The following VWA8 variants were observed in gnomAD, a reference collection of about 807,000 sequenced individuals.
VWA8 encodes the protein von Willebrand factor A domain-containing protein 8.
VWA8 carries 221 observed loss-of-function variants against 241.5 expected under a neutral mutation model. The observed-to-expected ratio is 0.91, with a 90% confidence interval of 0.82 to 1.02. The LOEUF is 1.02. Ranked by LOEUF, VWA8 falls within the 50% of genes least tolerant of loss-of-function variation. The pLI is 0.00. For synonymous variants in VWA8, 852 were observed against 827.1 expected, an observed-to-expected ratio of 1.03 and a Z score of -0.52; for missense variants, 2,322 against 2,328.7, an observed-to-expected ratio of 1.00 and a Z score of 0.06.
intron 5 of VWA8, among the ~76,000 whole-genome samples, chr13:41,889,450 C>T (rs575793362): frequency 1.3e-5 from 2 of 151,916 alleles, no homozygotes; most frequent in Admixed American, 1.3e-4. Context: ...GCAATCCTGG[C>T]TCACCACAAT....
intron 37 of VWA8, among the ~76,000 whole-genome samples, chr13:41,649,429 AG>A (rs1164012186): frequency 6.6e-6 from 1 of 152,146 alleles, no homozygotes; most frequent in Non-Finnish European, 1.5e-5. Flanking sequence ...TAAAATGCAA[AG>A]GAATAAATAG....
At chr13:41,794,182 T>C (rs1869584506) in intron 17 of VWA8, among the ~76,000 whole-genome samples, 1 of 152,162 alleles carries the variant, frequency 6.6e-6, no homozygotes, top group South Asian at 2.1e-4. Context: ...AGAAAGTCAA[T>C]GGTAGTTTAA....
intron 37 of VWA8, among the ~76,000 whole-genome samples, chr13:41,622,781 C>T (rs2139668319): frequency 6.6e-6 from 1 of 152,306 alleles, no homozygotes; most frequent in Admixed American, 6.5e-5. Context: ...ATTTTAGGCT[C>T]CTCCTTGAGT....
intron 38 of VWA8, among the ~76,000 whole-genome samples, chr13:41,614,629 C>G (rs2044609671): frequency 6.6e-6 from 1 of 152,212 alleles, no homozygotes; most frequent in Non-Finnish European, 1.5e-5. Flanking sequence ...TGAAAATATT[C>G]TTCATGCCAG....
chr13:41,737,315 T>C (rs1198101393), intron 21 of VWA8, among the ~76,000 whole-genome samples: 1 of 152,034 alleles, frequency 6.6e-6, no homozygotes, highest in Non-Finnish European at 1.5e-5. Context: ...AAATGAGTAA[T>C]GAAATAAAGA....
intron 4 of VWA8, among the ~76,000 whole-genome samples, chr13:41,896,631 C>T (rs1875123011): frequency 6.6e-6 from 1 of 151,978 alleles, no homozygotes; most frequent in Non-Finnish European, 1.5e-5. Flanking sequence ...AACAATACCC[C>T]TATAAAATGC....
chr13:41,938,193 A>C (rs969716112), intron 2 of VWA8, among the ~76,000 whole-genome samples: 6 of 151,848 alleles, frequency 4.0e-5, no homozygotes, highest in Admixed American at 6.6e-5. Context: ...AAAATGCATC[A>C]AAAATATTGA....
chr13:41,636,820 A>G (rs1250516155), intron 37 of VWA8, among the ~76,000 whole-genome samples: 2 of 152,244 alleles, frequency 1.3e-5, no homozygotes, highest in African/African-American at 4.8e-5. Flanking sequence ...AAAAATGTTC[A>G]TCATCACTGG....
At chr13:41,954,127 T>C (rs754449713) in intron 1 of VWA8, among the ~76,000 whole-genome samples, 3 of 151,882 alleles carry the variant, frequency 2.0e-5, no homozygotes, top group Non-Finnish European at 4.4e-5. Context: ...GTTACTACAC[T>C]ACACTTTCCT....
chr13:41,690,862 T>TAACATA (rs2045172255), intron 32 of VWA8, among the ~76,000 whole-genome samples: 3 of 151,990 alleles, frequency 2.0e-5, no homozygotes, highest in Admixed American at 1.3e-4. Flanking sequence ...ATGGGTCAGA[T>TAACATA]AACATAAACA....
intron 18 of VWA8, among the ~76,000 whole-genome samples, chr13:41,785,669 C>T (rs79703633): frequency 0.035 from 5,336 of 152,192 alleles, 153 homozygotes; most frequent in East Asian, 0.17. Flanking sequence ...ACAGTAACTT[C>T]GCCCTTCAAT....
intron 37 of VWA8, among the ~76,000 whole-genome samples, chr13:41,620,667 C>T (rs2044651131): frequency 6.6e-6 from 1 of 152,146 alleles, no homozygotes; most frequent in African/African-American, 2.4e-5. Context: ...TTACAATAGT[C>T]CTGCCACAGC....
At chr13:41,651,032 C>T (rs1023339817) in intron 37 of VWA8, among the ~76,000 whole-genome samples, 1 of 151,980 alleles carries the variant, frequency 6.6e-6, no homozygotes, top group Non-Finnish European at 1.5e-5. Flanking sequence ...TCATAAAATG[C>T]GTAATAAATA....
chr13:41,675,296 T>C lies in VWA8; in HGVS notation c.4328A>G (p.Asp1443Gly). 1 of 1,609,406 alleles carries C rather than the reference T, an allele frequency of 6.2e-7. No homozygotes were observed. The highest frequency in any genetic ancestry group is 1.1e-5 in the South Asian group (1 of 90,232). ...EVPLKDIYPK[D>G]VTPPQTSGYI... ...ACCAGATGTTTGTGGAGGAGTAACATCTACAAACAAGTCATGACATGAGCC... is the reference window on the plus strand; with the variant it reads ...ACCAGATGTTTGTGGAGGAGTAACACCTACAAACAAGTCATGACATGAGCC... The change falls in exon 36 of 45, where the codon GAT becomes GGT. Residue 1443 changes from aspartate (D) to glycine (G), a missense_variant and splice_region_variant. By Grantham distance (94) the Asp-to-Gly change is moderately conservative. Transcript: ENST00000379310.
chr13:41,953,379 AT>A (rs1387306650), intron 1 of VWA8, among the ~76,000 whole-genome samples: 1 of 152,120 alleles, frequency 6.6e-6, no homozygotes, highest in Non-Finnish European at 1.5e-5. Flanking sequence ...TATCAACTGA[AT>A]ATTGTATTTT....
chr13:41,754,878 T>C (rs2045682873), intron 21 of VWA8, among the ~76,000 whole-genome samples: 1 of 139,024 alleles, frequency 7.2e-6, no homozygotes, highest in African/African-American at 2.5e-5. Flanking sequence ...GTGCCTGGCT[T>C]ATGTCGCTTA....
At chr13:41,736,538 CAGA>C (rs1460028871) in intron 21 of VWA8, among the ~76,000 whole-genome samples, 1 of 152,034 alleles carries the variant, frequency 6.6e-6, no homozygotes, top group African/African-American at 2.4e-5. Context: ...TATTGAGGAG[CAGA>C]AGATCTCAAA....
intron 37 of VWA8, among the ~76,000 whole-genome samples, chr13:41,620,884 C>T (rs1259786494): frequency 1.3e-5 from 2 of 152,202 alleles, no homozygotes; most frequent in South Asian, 2.1e-4. Context: ...TCCGGACCTT[C>T]ATTTTCACAT....
intron 21 of VWA8, among the ~76,000 whole-genome samples, chr13:41,755,558 C>A (rs961869310): frequency 5.9e-5 from 9 of 151,496 alleles, no homozygotes; most frequent in Non-Finnish European, 1.3e-4. Context: ...TTTTATCTAG[C>A]CACTTTCAGA....
Sources: allele counts gnomAD v4.1 joint callset (sites outside exome capture counted in the v4.1 genomes callset), GRCh38; gene constraint gnomAD v4.1.1; transcripts MANE v1.5; gene names NCBI Gene and HGNC (gene_info 2026-07-23, HGNC 2026-07-21).